The following LDLRAD4 variants were observed in gnomAD, a reference collection of about 807,000 sequenced individuals.
LDLRAD4 encodes the protein low-density lipoprotein receptor class A domain-containing protein 4.
A neutral mutation model predicts 17.0 loss-of-function variants in LDLRAD4; 5 were observed. That is an observed-to-expected ratio of 0.29 (90% confidence interval 0.15 to 0.62). The LOEUF (loss-of-function observed/expected upper bound fraction) is 0.62, where lower values mean the gene tolerates loss of function less well. Ranked by LOEUF, LDLRAD4 falls within the 20% of genes least tolerant of loss-of-function variation. The pLI is 0.84. For synonymous variants in LDLRAD4, 168 were observed against 171.8 expected (o/e 0.98, Z 0.17); for missense variants, 340 against 424.7 (o/e 0.80, Z 1.75).
intron 1 of LDLRAD4, among the ~76,000 whole-genome samples, chr18:13,296,814 T>G (rs2046305495): frequency 6.6e-6 from 1 of 152,240 alleles, no homozygotes; most frequent in South Asian, 2.1e-4. Flanking sequence ...TGTGCATTTC[T>G]TTTCAGCCTT....
At chr18:13,392,533 C>T (rs1338515817) in intron 2 of LDLRAD4, among the ~76,000 whole-genome samples, 4 of 152,140 alleles carry the variant, frequency 2.6e-5, no homozygotes, top group South Asian at 2.1e-4. Context: ...CTGGGTCCGC[C>T]GGCCTCTGTC....
intron 2 of LDLRAD4, among the ~76,000 whole-genome samples, chr18:13,399,336 G>A (rs1311452082): frequency 2.0e-5 from 3 of 152,182 alleles, no homozygotes; most frequent in Non-Finnish European, 2.9e-5. Flanking sequence ...TGTGGCATAT[G>A]GTGAGCAACC....
Position 13,218,903 on chromosome 18 carries a change from A to G in LDLRAD4, c.-552A>G, listed in dbSNP as rs981086657. 28 of 152,446 alleles carry G rather than the reference A, an allele frequency of 1.8e-4. 2 individuals are homozygous for G. The highest frequency in any genetic ancestry group is 6.7e-4 in the African/African-American group (28 of 41,526). The allele number at this position is 152,446 out of a possible 1,614,324, so 9.4% of individuals were successfully genotyped here. On this transcript the variant is annotated 5_prime_UTR_variant, in exon 1 of 6. Coordinates refer to the LDLRAD4 transcript ENST00000399848. ...CCCGGCCCGGCACTTGCCTTTGTGA[A>G]GGGGTCTGCCCTGCACAGCCTTTAG...
intron 1 of LDLRAD4, among the ~76,000 whole-genome samples, chr18:13,313,096 A>G (rs1328059634): frequency 1.3e-5 from 2 of 152,204 alleles, no homozygotes; most frequent in Non-Finnish European, 2.9e-5. Context: ...TGCAGGTCAC[A>G]TGCTAAAGAG....
intron 2 of LDLRAD4, among the ~76,000 whole-genome samples, chr18:13,429,127 C>T (rs80280020): frequency 9.9e-5 from 15 of 152,028 alleles, no homozygotes; most frequent in Admixed American, 3.3e-4. Context: ...GTGCCATGTG[C>T]GTCGGGACAT....
At chr18:13,455,051 C>T (rs552412139) in intron 3 of LDLRAD4, among the ~76,000 whole-genome samples, 21 of 152,172 alleles carry the variant, frequency 1.4e-4, no homozygotes, top group Non-Finnish European at 2.4e-4. Context: ...CCAAGGGAGG[C>T]GAAGCTGGTG....
chr18:13,358,578 C>T (rs2083476432), intron 1 of LDLRAD4, among the ~76,000 whole-genome samples: 1 of 151,912 alleles, frequency 6.6e-6, no homozygotes, highest in African/African-American at 2.4e-5. Flanking sequence ...CTATTTATCC[C>T]TCAAATGTGA....
chr18:13,492,146 C>G (rs1039035895), intron 3 of LDLRAD4, among the ~76,000 whole-genome samples: 3 of 152,122 alleles, frequency 2.0e-5, no homozygotes, highest in African/African-American at 7.2e-5. Context: ...TCGGGCAAGT[C>G]TAGCTAGAAA....
At chr18:13,347,103 A>G (rs2082737143) in intron 1 of LDLRAD4, among the ~76,000 whole-genome samples, 2 of 152,008 alleles carry the variant, frequency 1.3e-5, no homozygotes, top group Non-Finnish European at 2.9e-5. Flanking sequence ...TGTGAATTTG[A>G]TCCTGTTATT....
intron 1 of LDLRAD4, among the ~76,000 whole-genome samples, chr18:13,374,653 G>T (rs1378959662): frequency 6.6e-6 from 1 of 152,224 alleles, no homozygotes; most frequent in Non-Finnish European, 1.5e-5. Flanking sequence ...TCCTGCCCCA[G>T]CCCCGACAGA....
At position 13,622,143 on chromosome 18, in the gene LDLRAD4, A is replaced by G. The variant is rs1159445322; in HGVS notation, c.336+872A>G. ...TCCCTCTTCAGGAACAGGGCTGTGC[A>G]GTTCCGGCTCCCACCCTGACTTACA... On this transcript the variant is annotated intron_variant, in intron 4 of 5. Coordinates refer to ENST00000359446, the Ensembl canonical transcript of LDLRAD4. This position sits in a 1 kb window ranked among gnomAD's most constrained non-coding sequence, Gnocchi z 5.3. Among the ~76,000 whole-genome samples, 4 of 152,138 alleles carry G rather than the reference A, an allele frequency of 2.6e-5. No individual in the cohort carries two copies. Among genetic ancestry groups the G allele is most frequent in the African/African-American group, 9.7e-5 (4 of 41,416 alleles).
chr18:13,462,492 A>G (rs2092466533), intron 3 of LDLRAD4, among the ~76,000 whole-genome samples: 1 of 152,212 alleles, frequency 6.6e-6, no homozygotes, highest in Non-Finnish European at 1.5e-5. Context: ...ACTTTGGTCT[A>G]AGAGAGGTGA....
At chr18:13,449,760 C>G (rs534099920) in intron 3 of LDLRAD4, among the ~76,000 whole-genome samples, 1 of 152,332 alleles carries the variant, frequency 6.6e-6, no homozygotes, top group South Asian at 2.1e-4. Flanking sequence ...AGCTACACTT[C>G]AGGCCTTTTA....
At chr18:13,519,425 G>T (rs2093919419) in intron 3 of LDLRAD4, among the ~76,000 whole-genome samples, 1 of 152,102 alleles carries the variant, frequency 6.6e-6, no homozygotes, top group South Asian at 2.1e-4. Context: ...TTCCTCAAGG[G>T]GATGCTTACC....
chr18:13,557,877 C>T (rs1461248773), intron 3 of LDLRAD4, among the ~76,000 whole-genome samples: 1 of 152,154 alleles, frequency 6.6e-6, no homozygotes, highest in Non-Finnish European at 1.5e-5. Context: ...ACCAGTATGT[C>T]CAAATTCTTG....
At chr18:13,632,762 G>A (rs1269352244) in intron 4 of LDLRAD4, among the ~76,000 whole-genome samples, 1 of 152,250 alleles carries the variant, frequency 6.6e-6, no homozygotes, top group Non-Finnish European at 1.5e-5. Flanking sequence ...AGAAGAATGA[G>A]GTACATGGAC....
chr18:13,513,354 A>G (rs1422821593), intron 3 of LDLRAD4, among the ~76,000 whole-genome samples: 1 of 152,100 alleles, frequency 6.6e-6, no homozygotes, highest in Non-Finnish European at 1.5e-5. Flanking sequence ...AGCAAGTCAC[A>G]TTTTCCGTGT....
At chr18:13,648,688 C>T (rs528794406) in exon 6 of LDLRAD4, 1 of 152,184 alleles carries the variant, frequency 6.6e-6, no homozygotes, top group South Asian at 2.1e-4. Flanking sequence ...TTTAGGCAAT[C>T]AATGATAGGT....
chr18:13,303,503 T>G (rs2046729315), intron 1 of LDLRAD4, among the ~76,000 whole-genome samples: 1 of 152,088 alleles, frequency 6.6e-6, no homozygotes, highest in South Asian at 2.1e-4. Flanking sequence ...CCTTCCTTCT[T>G]TCCTTTCTTG....
Sources: gnomAD v4.1 joint callset for allele counts (sites outside exome capture counted in the v4.1 genomes callset) on GRCh38, gnomAD v4.1.1 for gene constraint, Gnocchi (gnomAD v3.1) non-coding constraint, MANE v1.5 for transcripts, NCBI Gene and HGNC (gene_info 2026-07-23, HGNC 2026-07-21) for gene names.